Variants in MBD5 observed in about 807,000 individuals in gnomAD.
The protein encoded by MBD5 is methyl-CpG-binding domain protein 5.
MBD5 carries 13 observed loss-of-function variants against 117.3 expected under a neutral mutation model. The observed-to-expected ratio is 0.11, with a 90% CI of 0.07 to 0.18. The LOEUF (loss-of-function observed/expected upper bound fraction) is 0.18, where lower values mean the gene tolerates loss of function less well. Ranked by LOEUF, MBD5 falls within the 10% of genes least tolerant of loss-of-function variation. The pLI is 1.00. For synonymous variants in MBD5, 727 were observed against 766.4 expected, an observed-to-expected ratio of 0.95 and a Z score of 0.85; for missense variants, 1,879 against 2,093.8, an observed-to-expected ratio of 0.90 and a Z score of 2.00.
At chr2:148,101,727 G>T (rs1227484) in intron 1 of MBD5, among the ~76,000 whole-genome samples, 12,785 of 152,094 alleles carry the variant, frequency 0.084, 607 homozygotes, top group South Asian at 0.14. Context: ...GCTTCAGCTG[G>T]TAATATAAGC....
intron 3 of MBD5, among the ~76,000 whole-genome samples, chr2:148,255,659 G>A (rs4264521): frequency 0.14 from 21,766 of 152,190 alleles, 1,781 homozygotes; most frequent in African/African-American, 0.18. Context: ...GCAGCCTGTT[G>A]TAAGAAAGCC....
chr2:148,139,063 T>G (rs1220830576), intron 1 of MBD5, among the ~76,000 whole-genome samples: 1 of 152,212 alleles, frequency 6.6e-6, no homozygotes, highest in Non-Finnish European at 1.5e-5. Context: ...TTAGAGAAAT[T>G]TTTACATTTT....
chr2:148,144,877 AG>A (rs1353812195), intron 1 of MBD5, among the ~76,000 whole-genome samples: 2 of 152,218 alleles, frequency 1.3e-5, no homozygotes, highest in Admixed American at 6.5e-5. Context: ...GAAGCCAGGT[AG>A]CATGATGCCT....
chr2:148,424,177 CAAAAAAAAAAAAAAAAAAAAAAAA>C (rs56740583), intron 4 of MBD5, among the ~76,000 whole-genome samples: 27,257 of 53,518 alleles, frequency 0.51, 3,645 homozygotes, highest in Middle Eastern at 0.58. Context: ...GACTCTGTCT[CAAAAAAAAAAAAAAAAAAAAAAAA>C]AAAAAAAAAA....
intron 2 of MBD5, among the ~76,000 whole-genome samples, chr2:148,202,481 T>C (rs1387465740): frequency 6.6e-6 from 1 of 152,132 alleles, no homozygotes; most frequent in East Asian, 1.9e-4. Context: ...AAATCTAGTC[T>C]GCTGGTATGG....
chr2:148,128,452 A>G (rs190049944), intron 1 of MBD5, among the ~76,000 whole-genome samples: 22 of 152,316 alleles, frequency 1.4e-4, no homozygotes, highest in Admixed American at 1.4e-3. Context: ...AAGGTCACAC[A>G]TTAATTAGAG....
intron 3 of MBD5, among the ~76,000 whole-genome samples, chr2:148,319,393 G>T (rs979292506): frequency 6.6e-6 from 1 of 152,048 alleles, no homozygotes; most frequent in African/African-American, 2.4e-5. Context: ...ATGAGCGTAG[G>T]ATGTTTTTCC....
At chr2:148,156,422 G>T (rs1005664410) in intron 1 of MBD5, among the ~76,000 whole-genome samples, 1 of 152,112 alleles carries the variant, frequency 6.6e-6, no homozygotes, top group Admixed American at 6.6e-5. Context: ...GTGCTCTTTC[G>T]TCCCGCCAAC....
intron 4 of MBD5, among the ~76,000 whole-genome samples, chr2:148,351,835 C>G (rs907371512): frequency 1.3e-5 from 2 of 152,056 alleles, no homozygotes; most frequent in Admixed American, 1.3e-4. Flanking sequence ...CTTCTCTCTA[C>G]CCTTCATGTC....
chr2:148,254,689 G>A (rs1700542071), intron 3 of MBD5, among the ~76,000 whole-genome samples: 1 of 152,130 alleles, frequency 6.6e-6, no homozygotes, highest in Non-Finnish European at 1.5e-5. Context: ...AATCCATCAG[G>A]GACCAACCTT....
intron 2 of MBD5, among the ~76,000 whole-genome samples, chr2:148,211,936 A>G (rs958797131): frequency 2.6e-5 from 4 of 152,064 alleles, no homozygotes; most frequent in South Asian, 4.2e-4. Flanking sequence ...TTTTGTAGAG[A>G]CAGGGTCTTA....
At chr2:148,462,965 G>A (rs947287143) in intron 6 of MBD5, among the ~76,000 whole-genome samples, 4 of 151,724 alleles carry the variant, frequency 2.6e-5, no homozygotes, top group African/African-American at 4.8e-5. Context: ...AATATTGCTC[G>A]GCATTTAATA....
At chr2:148,436,773 C>T (rs1706168085) in intron 4 of MBD5, among the ~76,000 whole-genome samples, 2 of 151,940 alleles carry the variant, frequency 1.3e-5, no homozygotes, top group South Asian at 4.1e-4. Context: ...TTGGCTACAA[C>T]ATTTAAATAT....
intron 2 of MBD5, among the ~76,000 whole-genome samples, chr2:148,187,892 T>C (rs547327657): frequency 6.6e-6 from 1 of 152,304 alleles, no homozygotes; most frequent in South Asian, 2.1e-4. Flanking sequence ...AAGACTGTTG[T>C]TTATATATTT....
intron 1 of MBD5, among the ~76,000 whole-genome samples, chr2:148,165,523 T>C (rs1414143977): frequency 6.6e-6 from 1 of 152,116 alleles, no homozygotes; most frequent in Non-Finnish European, 1.5e-5. Context: ...TGGTTAGTTG[T>C]TCTCTGTTGC....
chr2:148,445,425 T>C (rs1329487769), intron 4 of MBD5, among the ~76,000 whole-genome samples: 1 of 151,142 alleles, frequency 6.6e-6, no homozygotes, highest in Non-Finnish European at 1.5e-5. Flanking sequence ...CTGAGAATGA[T>C]GGTTTCCAGC....
intron 3 of MBD5, among the ~76,000 whole-genome samples, chr2:148,317,696 A>C (rs1312758485): frequency 6.6e-6 from 1 of 151,822 alleles, no homozygotes; most frequent in Non-Finnish European, 1.5e-5. Flanking sequence ...CGCTTGTGTG[A>C]AAACATGCAG....
chr2:148,362,868 A>C (rs1703582991), intron 4 of MBD5, among the ~76,000 whole-genome samples: 1 of 152,046 alleles, frequency 6.6e-6, no homozygotes, highest in Admixed American at 6.5e-5. Flanking sequence ...GACCTCCAGC[A>C]AACTCCAGCA....
intron 1 of MBD5, among the ~76,000 whole-genome samples, chr2:148,065,308 T>G (rs1187892681): frequency 6.6e-6 from 1 of 152,092 alleles, no homozygotes; most frequent in Non-Finnish European, 1.5e-5. Flanking sequence ...TTTTCCAGCG[T>G]TGTTAAGGTA....
Sources: allele counts gnomAD v4.1 joint callset (sites outside exome capture counted in the v4.1 genomes callset), GRCh38; gene constraint gnomAD v4.1.1; transcripts MANE v1.5; gene names NCBI Gene and HGNC (gene_info 2026-07-23, HGNC 2026-07-21).